BRD10: variants seen among roughly 807,000 people sequenced by gnomAD.
The protein encoded by BRD10 is uncharacterized bromodomain-containing protein 10.
the BRD10 span, chr9:5,922,571 G>C: frequency 6.2e-7 from 1 of 1,613,854 alleles, no homozygotes; most frequent in Non-Finnish European, 8.5e-7. Flanking sequence ...TATATTTGTT[G>C]TCTGTGGGAA....
the BRD10 span, chr9:5,897,711 T>C: frequency 2.1e-6 from 3 of 1,413,650 alleles, no homozygotes; most frequent in Non-Finnish European, 3.0e-6. Flanking sequence ...TTTCCAGTTC[T>C]TTCCTCTGAA....
the BRD10 span, among the ~76,000 whole-genome samples, chr9:5,934,345 A>G: frequency 6.8e-6 from 1 of 147,006 alleles, no homozygotes; most frequent in Non-Finnish European, 1.5e-5. Context: ...AAATATCAAT[A>G]TATTACGCTT....
the BRD10 span, among the ~76,000 whole-genome samples, chr9:5,989,235 TAAAAAA>T: frequency 1.1e-3 from 50 of 46,180 alleles, 1 homozygote; most frequent in East Asian, 0.012. Flanking sequence ...TCTGTCTCAT[TAAAAAA>T]AAAAAAAAAA....
chr9:5,989,697 CT>C, the BRD10 span, among the ~76,000 whole-genome samples: 6 of 151,898 alleles, frequency 4.0e-5, no homozygotes, highest in African/African-American at 1.2e-4. Context: ...GCCTGGCTAA[CT>C]TTTGTAATTT....
the BRD10 span, among the ~76,000 whole-genome samples, chr9:5,935,301 T>C: frequency 6.6e-6 from 1 of 152,160 alleles, no homozygotes; most frequent in Non-Finnish European, 1.5e-5. Flanking sequence ...TATTTCTAAA[T>C]TAGCATTTAA....
the BRD10 span, chr9:6,007,504 C>G: frequency 6.2e-7 from 1 of 1,612,754 alleles, no homozygotes; most frequent in Non-Finnish European, 8.5e-7. Flanking sequence ...GGTGAGGCCC[C>G]GGTGCTTCTC....
At chr9:5,983,324 AGAAAT>A in the BRD10 span, among the ~76,000 whole-genome samples, 1 of 152,236 alleles carries the variant, frequency 6.6e-6, no homozygotes, top group Non-Finnish European at 1.5e-5. Flanking sequence ...CTGTTCTACA[AGAAAT>A]TTAACTGCTT....
the BRD10 span, among the ~76,000 whole-genome samples, chr9:5,953,393 G>A: frequency 1.5e-4 from 23 of 152,176 alleles, no homozygotes; most frequent in Admixed American, 5.9e-4. Flanking sequence ...TCTCTGCTTA[G>A]TATTAGCTAC....
chr9:6,004,610 T>C, the BRD10 span, among the ~76,000 whole-genome samples: 3 of 152,224 alleles, frequency 2.0e-5, no homozygotes, highest in African/African-American at 7.2e-5. Context: ...ACAAATATAT[T>C]CCAGAAGTCA....
the BRD10 span, among the ~76,000 whole-genome samples, chr9:5,901,467 C>G: frequency 6.6e-6 from 1 of 152,264 alleles, no homozygotes; most frequent in East Asian, 1.9e-4. Flanking sequence ...TCTATTGATA[C>G]AATCTTGCAA....
chr9:5,997,899 C>G, the BRD10 span, among the ~76,000 whole-genome samples: 1 of 152,134 alleles, frequency 6.6e-6, no homozygotes, highest in Non-Finnish European at 1.5e-5. Flanking sequence ...ACACACAATA[C>G]ATAATAAATA....
At chr9:5,928,368 T>C in the BRD10 span, among the ~76,000 whole-genome samples, 11 of 152,162 alleles carry the variant, frequency 7.2e-5, no homozygotes, top group Non-Finnish European at 1.2e-4. Context: ...AACAGAGTGA[T>C]TGCTTTAAAA....
the BRD10 span, among the ~76,000 whole-genome samples, chr9:5,887,222 G>T: frequency 2.0e-5 from 3 of 152,144 alleles, no homozygotes; most frequent in Admixed American, 2.0e-4. Flanking sequence ...TCACACCACT[G>T]CATTCCTGCC....
chr9:5,999,654 T>C, the BRD10 span, among the ~76,000 whole-genome samples: 2 of 152,148 alleles, frequency 1.3e-5, no homozygotes, highest in African/African-American at 4.8e-5. Flanking sequence ...TTTCTACATA[T>C]AATTACACTC....
the BRD10 span, among the ~76,000 whole-genome samples, chr9:5,951,168 T>C: frequency 1.8e-4 from 27 of 152,166 alleles, no homozygotes; most frequent in Admixed American, 9.2e-4. Context: ...GATTATTTTC[T>C]AAACCTGGGT....
At chr9:5,953,912 G>A in the BRD10 span, 2 of 699,996 alleles carry the variant, frequency 2.9e-6, no homozygotes. Flanking sequence ...TTCATTACAA[G>A]TAAGTGTGCT....
the BRD10 span, among the ~76,000 whole-genome samples, chr9:5,956,910 G>A: frequency 1.3e-5 from 2 of 152,060 alleles, no homozygotes; most frequent in Non-Finnish European, 2.9e-5. Context: ...GTTCTAAGAA[G>A]TGATCCCTAA....
At chr9:5,911,725 G>A in the BRD10 span, among the ~76,000 whole-genome samples, 1 of 151,678 alleles carries the variant, frequency 6.6e-6, no homozygotes, top group South Asian at 2.1e-4. Flanking sequence ...AGTAGAGACG[G>A]GGTTTCACTA....
chr9:5,944,182 T>C, the BRD10 span, among the ~76,000 whole-genome samples: 1 of 152,198 alleles, frequency 6.6e-6, no homozygotes, highest in Admixed American at 6.5e-5. Context: ...TACTGGTATG[T>C]AATTGTGTTT....
Sources: gnomAD v4.1 joint callset for allele counts (sites outside exome capture counted in the v4.1 genomes callset) on GRCh38, gnomAD v4.1.1 for gene constraint, MANE v1.5 for transcripts, NCBI Gene and HGNC (gene_info 2026-07-23, HGNC 2026-07-21) for gene names.